Variants in VIPR1 observed in about 807,000 individuals in gnomAD.
VIPR1 encodes the protein vasoactive intestinal polypeptide receptor 1.
Under a neutral mutation model 58.8 loss-of-function variants are expected in VIPR1, and 59 were observed. The ratio of observed to expected loss-of-function variants is 1.00; its 90% CI spans 0.81 to 1.25. VIPR1 has a LOEUF of 1.25. VIPR1 is among the 50% of genes most tolerant of loss of function. The pLI, the probability that VIPR1 is intolerant of heterozygous loss-of-function variation, is 0.00. For missense variants in VIPR1, 626 were observed against 602.7 expected, an observed-to-expected ratio of 1.04 and a Z score of -0.40; for synonymous variants, 251 against 242.1, an observed-to-expected ratio of 1.04 and a Z score of -0.34.
At chr3:42,513,092 G>T in intron 1 of VIPR1, 1 of 458,780 alleles carries the variant, frequency 2.2e-6, no homozygotes, top group Non-Finnish European at 2.9e-6. Context: ...TCCTAGAGGG[G>T]CTCTCTTACT....
chr3:42,518,479 CT>C lies in VIPR1; in HGVS notation c.185-743del, dbSNP rs1700743106. ...GTTGGCCGGGCGCGGTGGCTCATAC[CT>C]GTAATCCCAGCACTTTGGGAGGCCA... On this transcript the variant is annotated intron_variant, in intron 2 of 12. Coordinates refer to ENST00000325123, the MANE Select transcript of VIPR1 (RefSeq NM_004624.4). Among the ~76,000 whole-genome samples the C allele has an allele frequency of 3.3e-5, 5 of 152,340 alleles. No individual in the cohort carries two copies. In the South Asian group the frequency reaches 1.0e-3, roughly 32 times the overall value.
intron 1 of VIPR1, chr3:42,513,474 T>G (rs370967837): frequency 7.9e-6 from 3 of 380,534 alleles, no homozygotes; most frequent in East Asian, 4.9e-5. Flanking sequence ...CCATCTGGAG[T>G]TGTGCCACCC....
In VIPR1 at chr3:42,536,217, T is replaced by A; in HGVS notation, c.1310T>A (p.Leu437Gln). Residue 437 changes from leucine to glutamine, a missense_variant, in exon 13 of 13, where the codon CTG (leucine) becomes CAG (glutamine). By Grantham distance (113) the Leu-to-Gln change is moderately radical. Coordinates refer to ENST00000325123, the MANE Select transcript of VIPR1 (RefSeq NM_004624.4). The part of the protein sequence containing the change: ...GATCSTQVSM[L>Q]TRVSPGARRS... ...ACGTGCAGCACGCAGGTTTCCATGC[T>A]GACCCGCGTCAGCCCAGGTGCCCGC... The A allele has an allele frequency of 6.3e-7, 1 of 1,589,786 alleles. No homozygotes were observed. The highest frequency in any genetic ancestry group is 8.5e-7 in the Non-Finnish European group (1 of 1,169,966).
At chr3:42,528,573 G>A (rs923649992) in intron 6 of VIPR1, 21 of 187,558 alleles carry the variant, frequency 1.1e-4, no homozygotes, top group African/African-American at 1.9e-4. Flanking sequence ...TACTCCCCCC[G>A]TCCCCGTGCC....
chr3:42,536,383 C>T lies in VIPR1; in HGVS notation c.*102C>T. 1.5e-6 allele frequency: 2 copies of T among 1,315,426 alleles called. No homozygotes were observed. Among genetic ancestry groups the T allele is most frequent in the Non-Finnish European group, 2.0e-6 (2 of 1,000,272 alleles). 81.5% of individuals were successfully genotyped at this position (1,315,426 alleles called of 1,614,324 possible). On this transcript the variant is annotated 3_prime_UTR_variant, in exon 13 of 13. Coordinates refer to ENST00000325123, the MANE Select transcript of VIPR1 (RefSeq NM_004624.4). ...CCTGCCCGGGCGCGGCCAGCCCCGG[C>T]CCTGGGCTCGGAGGCTGCCCCCGGC...
chr3:42,512,694 G>T lies in VIPR1; in HGVS notation c.79-1055G>T, dbSNP rs892909101. 6.2e-6 allele frequency: 6 copies of T among 968,242 alleles called. No individual in the cohort carries two copies. The African/African-American group carries it at 1.1e-4, about 17-fold the overall frequency. The allele number at this position is 968,242 out of a possible 1,614,324, so 60.0% of individuals were successfully genotyped here. On this transcript the variant is annotated intron_variant, in intron 1 of 12. Coordinates refer to ENST00000325123, the MANE Select transcript of VIPR1 (RefSeq NM_004624.4). ...GACACTGAGAATGTCTGATTCTGGA[G>T]TGGTCTTGCTGGACTCTCTTCTATG...
At chr3:42,527,637 C>A in intron 5 of VIPR1, 141 bp downstream of exon 5, 1 of 783,708 alleles carries the variant, frequency 1.3e-6, no homozygotes, top group Non-Finnish European at 2.1e-6. Context: ...TCCTGCCAGG[C>A]CAGCTTCCCC....
chr3:42,511,603 C>T (rs1078008), intron 1 of VIPR1: 103,828 of 152,114 alleles, frequency 0.68, 37,421 homozygotes, highest in East Asian at 0.91. Flanking sequence ...CCTGTTTTGA[C>T]GTTACAGTGT....
rs1450685303 is a variant in VIPR1 at position 42,536,771 on chromosome 3, T to A, written c.*490T>A. ...TGTCAAGTTCCTTTGGGTTAAGCATTACCACTCAGGCATTTGACTGAAGAT... is the reference window on the plus strand; with the variant it reads ...TGTCAAGTTCCTTTGGGTTAAGCATAACCACTCAGGCATTTGACTGAAGAT... On this transcript the variant is annotated 3_prime_UTR_variant, in exon 13 of 13. Transcript: ENST00000325123. The A allele has an allele frequency of 6.5e-6, 1 of 154,332 alleles. No homozygotes were observed. Among genetic ancestry groups the A allele is most frequent in the Non-Finnish European group, 1.4e-5 (1 of 69,590 alleles). 9.6% of individuals were successfully genotyped at this position (154,332 alleles called of 1,614,324 possible).
intron 1 of VIPR1, chr3:42,489,759 C>T (rs1699633273): frequency 6.6e-6 from 1 of 152,398 alleles, no homozygotes; most frequent in Admixed American, 6.5e-5. Flanking sequence ...GGCACTCCTC[C>T]AGACCAGGAG....
chr3:42,513,973 G>T, intron 2 of VIPR1, 119 bp downstream of exon 2: 2 of 1,151,136 alleles, frequency 1.7e-6, no homozygotes, highest in Non-Finnish European at 2.5e-6. Flanking sequence ...GGTGAGGAGC[G>T]GCTGGGGAGC....
intron 3 of VIPR1, among the ~76,000 whole-genome samples, chr3:42,520,968 T>A (rs1050798332): frequency 6.6e-6 from 1 of 152,068 alleles, no homozygotes; most frequent in Non-Finnish European, 1.5e-5. Context: ...CCTGGGCAGA[T>A]AAGAGATGAG....
rs749863242 is a variant in VIPR1, at chr3:42,527,600, GC to G, written c.503+110del. On this transcript the variant is annotated intron_variant, in intron 5 of 12. Coordinates refer to ENST00000325123, the MANE Select transcript of VIPR1 (RefSeq NM_004624.4). ...GGCGTGCCCCGACCCCTCCACTGTT[GC>G]CCCCCAGCAGCACATACTCCCCAGC... 4 of 1,094,532 alleles carry G rather than the reference GC, an allele frequency of 3.7e-6. No homozygotes were observed. In the African/African-American group the frequency reaches 4.6e-5, roughly 13 times the overall value. The allele number at this position is 1,094,532 out of a possible 1,614,324, so 67.8% of individuals were successfully genotyped here. A position where few individuals can be genotyped will look rare whatever the true frequency, so the allele number is the denominator to read the frequency against.
At chr3:42,511,746 G>C (rs1336284553) in intron 1 of VIPR1, 1 of 152,194 alleles carries the variant, frequency 6.6e-6, no homozygotes. Flanking sequence ...AGACAGGCAA[G>C]ACAGACCAAT....
chr3:42,516,371 G>C (rs1243560899), intron 2 of VIPR1, among the ~76,000 whole-genome samples: 1 of 152,172 alleles, frequency 6.6e-6, no homozygotes, highest in East Asian at 1.9e-4. Context: ...CCCGTCCCCT[G>C]CTTCCCTGAC....
intron 1 of VIPR1, among the ~76,000 whole-genome samples, chr3:42,504,712 C>T (rs1700027684): frequency 1.4e-5 from 2 of 140,102 alleles, no homozygotes; most frequent in Non-Finnish European, 3.1e-5. Flanking sequence ...CAATCGCTCC[C>T]TCATGGAATG....
Position 42,502,832 on chromosome 3 carries a change from G to A in VIPR1, c.78+19G>A. 8.0e-7 allele frequency: 1 copy of A among 1,251,038 alleles called. No individual in the cohort carries two copies. Among genetic ancestry groups the A allele is most frequent in the South Asian group, 3.1e-5 (1 of 32,232 alleles). 77.5% of individuals were successfully genotyped at this position (1,251,038 alleles called of 1,614,324 possible). ...GCCGGCGGTGAGTGTTCGCCCGGCC[G>A]CCCAGAGTCCCGGCAGCCTGGGGGT... On this transcript the variant is annotated intron_variant, in intron 1 of 12. Transcript: ENST00000325123.
intron 1 of VIPR1, among the ~76,000 whole-genome samples, chr3:42,493,672 GC>G (rs961923620): frequency 2.6e-5 from 4 of 152,114 alleles, no homozygotes; most frequent in African/African-American, 9.7e-5. Context: ...TGTTGCAAAG[GC>G]CCCAGGTCAG....
At chr3:42,493,241 G>A (rs1181564358) in intron 1 of VIPR1, among the ~76,000 whole-genome samples, 1 of 152,170 alleles carries the variant, frequency 6.6e-6, no homozygotes, top group Non-Finnish European at 1.5e-5. Flanking sequence ...TGCAGGCCAC[G>A]GTCCCTGTCC....
Sources: allele counts gnomAD v4.1 joint callset (sites outside exome capture counted in the v4.1 genomes callset), GRCh38; gene constraint gnomAD v4.1.1; transcripts MANE v1.5; gene names NCBI Gene and HGNC (gene_info 2026-07-23, HGNC 2026-07-21).